The following GPAT3 variants were observed in gnomAD, a reference collection of about 807,000 sequenced individuals.
GPAT3 encodes the protein glycerol-3-phosphate acyltransferase 3.
In GPAT3, 53 loss-of-function variants were observed where a neutral mutation model predicts 58.8. The ratio of observed to expected loss-of-function variants is 0.90; its 90% confidence interval spans 0.72 to 1.13. GPAT3 has a LOEUF of 1.13. Among genes scored for constraint, GPAT3 ranks in the 50% most tolerant of loss-of-function variants. The probability of loss-of-function intolerance (pLI) is 0.00; values close to 1 mark genes in which losing one functional copy is unlikely to be tolerated. For synonymous variants in GPAT3, 197 were observed against 187.4 expected (o/e 1.05, Z -0.42); for missense variants, 511 against 527.6 (o/e 0.97, Z 0.31).
At position 83,583,009 on chromosome 4, in the gene GPAT3, C is replaced by A. The variant is rs1210169487; in HGVS notation, c.479+1177C>A. 2.6e-5 allele frequency among the ~76,000 whole-genome samples: 4 copies of A among 152,270 alleles called. No homozygotes were observed. The East Asian group carries it at 7.7e-4, about 29-fold the overall frequency. On this transcript the variant is annotated intron_variant, in intron 3 of 11. Transcript: ENST00000264409. ...TAGAGCTCTTATTTACTAAAAGCTT[C>A]TGTTCTGGCTGGGTGCAGTGGCTCA...
intron 2 of GPAT3, among the ~76,000 whole-genome samples, chr4:83,578,938 T>TTTCTTTC (rs375376133): frequency 1.2e-4 from 1 of 8,064 alleles, no homozygotes; most frequent in Non-Finnish European, 2.0e-4. Context: ...TCTTTCTTTC[T>TTTCTTTC]TTTCTTTTCT....
intron 2 of GPAT3, among the ~76,000 whole-genome samples, chr4:83,572,060 A>G (rs935148082): frequency 6.6e-6 from 1 of 152,170 alleles, no homozygotes; most frequent in African/African-American, 2.4e-5. Flanking sequence ...GATGTGAGCC[A>G]CTGCGCTTGG....
rs76386409 is a variant in GPAT3, at chr4:83,553,442, T to C, written c.208+8840T>C. ...TTTCAGTGAAACTAGTTAAAAAAAA[T>C]GTAACTAAGCAGTTTTAAAATTTTC... On this transcript the variant is annotated intron_variant, in intron 2 of 11. Transcript: ENST00000264409. 3.5e-4 allele frequency among the ~76,000 whole-genome samples: 54 copies of C among 152,276 alleles called. 1 individual carries two copies. In the East Asian group the frequency reaches 0.01, roughly 29 times the overall value.
chr4:83,562,235 T>A (rs867618363), intron 2 of GPAT3, among the ~76,000 whole-genome samples: 179 of 74,570 alleles, frequency 2.4e-3, no homozygotes, highest in African/African-American at 9.2e-3. Context: ...AATATATATA[T>A]AATATATATA....
intron 6 of GPAT3, among the ~76,000 whole-genome samples, chr4:83,592,339 T>A (rs1409836983): frequency 1.3e-5 from 2 of 152,294 alleles, no homozygotes; most frequent in Non-Finnish European, 2.9e-5. Context: ...AAATTGGAGG[T>A]GGCGTAAGGC....
intron 3 of GPAT3, among the ~76,000 whole-genome samples, chr4:83,585,030 T>G (rs1726326629): frequency 6.6e-6 from 1 of 152,214 alleles, no homozygotes; most frequent in South Asian, 2.1e-4. Context: ...CTCCTTCTGA[T>G]TTAATGGATG....
chr4:83,566,792 TC>T (rs1725409461), intron 2 of GPAT3, among the ~76,000 whole-genome samples: 1 of 150,880 alleles, frequency 6.6e-6, no homozygotes, highest in Non-Finnish European at 1.5e-5. Flanking sequence ...GTTTAGCTTT[TC>T]TTTTTTTTTT....
intron 11 of GPAT3, among the ~76,000 whole-genome samples, chr4:83,599,188 C>T (rs907328247): frequency 6.6e-6 from 1 of 152,102 alleles, no homozygotes; most frequent in Non-Finnish European, 1.5e-5. Context: ...ATAACAATGG[C>T]TTAAGTAAGA....
chr4:83,553,866 G>T (rs1297255928), intron 2 of GPAT3, among the ~76,000 whole-genome samples: 1 of 151,684 alleles, frequency 6.6e-6, no homozygotes, highest in East Asian at 1.9e-4. Flanking sequence ...GACAGAGTGA[G>T]ACCCTGTCTC....
intron 4 of GPAT3, among the ~76,000 whole-genome samples, chr4:83,587,619 G>T (rs182453883): frequency 6.6e-6 from 1 of 152,094 alleles, no homozygotes; most frequent in Admixed American, 6.5e-5. Context: ...GTAGAGACGG[G>T]GTTTCACCAT....
chr4:83,589,574 G>A (rs1726513829), intron 5 of GPAT3, among the ~76,000 whole-genome samples: 1 of 152,162 alleles, frequency 6.6e-6, no homozygotes, highest in African/African-American at 2.4e-5. Context: ...AGGAGGATAG[G>A]AGGGAGGAAA....
At chr4:83,554,406 A>AT (rs1724875451) in intron 2 of GPAT3, among the ~76,000 whole-genome samples, 1 of 152,146 alleles carries the variant, frequency 6.6e-6, no homozygotes, top group Admixed American at 6.6e-5. Flanking sequence ...CACCCTCTGC[A>AT]TATCTCCTGG....
chr4:83,590,094 A>G lies in GPAT3; in HGVS notation c.645-105A>G, dbSNP rs1044475010. 3.8e-6 allele frequency: 4 copies of G among 1,064,176 alleles called. No individual in the cohort carries two copies. The African/African-American group carries it at 4.9e-5, about 13-fold the overall frequency. The allele number at this position is 1,064,176 out of a possible 1,614,324, so 65.9% of individuals were successfully genotyped here. ...GGCAACAGAGTGAGACGCGAAAAAA[A>G]AAATTACATATATACACACACACAC... On this transcript the variant is annotated intron_variant, in intron 5 of 11. Coordinates refer to ENST00000264409, the MANE Select transcript of GPAT3 (RefSeq NM_032717.5).
chr4:83,536,531 T>C lies in GPAT3; in HGVS notation c.-92T>C, dbSNP rs577918568. On this transcript the variant is annotated 5_prime_UTR_variant, in exon 1 of 12. Coordinates refer to ENST00000264409, the MANE Select transcript of GPAT3 (RefSeq NM_032717.5). The stretch of plus-strand genomic sequence containing the variant: ...GTGAGTGCCGGGCTCGGCGCTCTGC[T>C]CCTGGAGCTCCCGCGGGACTGCCTG... The C allele has an allele frequency of 3.3e-6, 5 of 1,529,180 alleles. No individual in the cohort carries two copies. The African/African-American group carries it at 6.9e-5, about 21-fold the overall frequency. The allele number at this position is 1,529,180 out of a possible 1,614,324, so 94.7% of individuals were successfully genotyped here. A position where few individuals can be genotyped will look rare whatever the true frequency, so the allele number is the denominator to read the frequency against.
chr4:83,571,093 C>A (rs1725589004), intron 2 of GPAT3, among the ~76,000 whole-genome samples: 1 of 152,104 alleles, frequency 6.6e-6, no homozygotes, highest in Non-Finnish European at 1.5e-5. Flanking sequence ...TGTTTTTGTT[C>A]CCACTCTGTA....
At chr4:83,574,813 G>A (rs1476999318) in intron 2 of GPAT3, among the ~76,000 whole-genome samples, 3 of 146,612 alleles carry the variant, frequency 2.0e-5, no homozygotes, top group Non-Finnish European at 4.5e-5. Flanking sequence ...AATCTGATAT[G>A]TGTTTATTTC....
intron 2 of GPAT3, among the ~76,000 whole-genome samples, chr4:83,559,024 A>G (rs1227487580): frequency 6.6e-6 from 1 of 152,238 alleles, no homozygotes; most frequent in Admixed American, 6.5e-5. Flanking sequence ...ATTATATTGT[A>G]TATAAGAAAA....
At chr4:83,549,885 G>A (rs1724689160) in intron 2 of GPAT3, among the ~76,000 whole-genome samples, 1 of 151,778 alleles carries the variant, frequency 6.6e-6, no homozygotes, top group Non-Finnish European at 1.5e-5. Flanking sequence ...ACCAAACCTG[G>A]CTAATTTTTG....
intron 2 of GPAT3, among the ~76,000 whole-genome samples, chr4:83,567,734 C>T (rs2110086604): frequency 6.6e-6 from 1 of 152,144 alleles, no homozygotes; most frequent in Middle Eastern, 3.4e-3. Flanking sequence ...GAGTTCAAGA[C>T]CAGCCTGGGC....
Sources: allele counts gnomAD v4.1 joint callset (sites outside exome capture counted in the v4.1 genomes callset), GRCh38; gene constraint gnomAD v4.1.1; transcripts MANE v1.5; gene names NCBI Gene and HGNC (gene_info 2026-07-23, HGNC 2026-07-21).